KLF8: variants seen among roughly 807,000 people sequenced by gnomAD.
KLF8 encodes the protein Krueppel-like factor 8.
Under a neutral mutation model 18.2 loss-of-function variants are expected in KLF8, and 10 were observed. That is an observed-to-expected ratio of 0.55 (90% CI 0.34 to 0.93). The LOEUF (loss-of-function observed/expected upper bound fraction) is 0.93. KLF8 is among the 40% of genes least tolerant of loss of function. The pLI is 0.02. For synonymous variants in KLF8, 109 were observed against 97.3 expected, an observed-to-expected ratio of 1.12 and a Z score of -0.71; for missense variants, 264 against 277.9, an observed-to-expected ratio of 0.95 and a Z score of 0.36.
At chrX:56,195,710 C>A in the KLF8 span, among the ~76,000 whole-genome samples, 1 of 111,648 alleles carries the variant, frequency 9.0e-6, no homozygotes, top group African/African-American at 3.3e-5. Flanking sequence ...GGCCAACATT[C>A]AAATTCAGGA....
chrX:55,925,114 G>T, the KLF8 span, among the ~76,000 whole-genome samples: 3 of 101,983 alleles, frequency 2.9e-5, no homozygotes, highest in Non-Finnish European at 3.9e-5. Context: ...GCCTGCTTCA[G>T]CCTCCCAAAG....
chrX:56,156,661 G>C, the KLF8 span, among the ~76,000 whole-genome samples: 28 of 108,321 alleles, frequency 2.6e-4, no homozygotes, highest in African/African-American at 9.4e-4. Context: ...CCATGTTGGT[G>C]TGCTGCACCC....
the KLF8 span, among the ~76,000 whole-genome samples, chrX:56,179,853 G>C: frequency 1.8e-5 from 2 of 111,831 alleles, no homozygotes; most frequent in African/African-American, 6.5e-5. Flanking sequence ...ACTTGACATG[G>C]TGGATAAGCT....
At chrX:56,128,130 G>C in the KLF8 span, among the ~76,000 whole-genome samples, 6 of 111,815 alleles carry the variant, frequency 5.4e-5, no homozygotes, top group South Asian at 2.2e-3. Context: ...CAGATGAAGG[G>C]AAGAGCAAGT....
At chrX:56,281,661 A>G (rs1167157839) in intron 5 of KLF8, among the ~76,000 whole-genome samples, 1 of 112,065 alleles carries the variant, frequency 8.9e-6, no homozygotes, top group Non-Finnish European at 1.9e-5. Flanking sequence ...CATGTGCCTC[A>G]GCCTCCCAAA....
At chrX:56,006,036 C>A in the KLF8 span, among the ~76,000 whole-genome samples, 6 of 112,627 alleles carry the variant, frequency 5.3e-5, no homozygotes, top group Non-Finnish European at 1.1e-4. Context: ...CCCCATCTTA[C>A]ACACAAGGCT....
chrX:55,942,167 C>T, the KLF8 span, among the ~76,000 whole-genome samples: 14 of 111,472 alleles, frequency 1.3e-4, no homozygotes, highest in Non-Finnish European at 2.3e-4. Flanking sequence ...CACATATACA[C>T]CATGGAATAC....
At chrX:56,176,797 C>G in the KLF8 span, among the ~76,000 whole-genome samples, 1 of 111,536 alleles carries the variant, frequency 9.0e-6, no homozygotes, top group African/African-American at 3.3e-5. Context: ...AGGCTTTGTT[C>G]ATTTCTTTTT....
chrX:56,063,619 G>C, the KLF8 span, among the ~76,000 whole-genome samples: 1 of 111,814 alleles, frequency 8.9e-6, no homozygotes, highest in Non-Finnish European at 1.9e-5. Context: ...GTCCCAGTCA[G>C]GAGACATGGG....
At chrX:55,937,951 C>T in the KLF8 span, among the ~76,000 whole-genome samples, 1 of 112,157 alleles carries the variant, frequency 8.9e-6, no homozygotes, top group Admixed American at 9.5e-5. Flanking sequence ...AAACACTGTG[C>T]AGGCTATTAT....
At chrX:56,108,840 C>G in the KLF8 span, among the ~76,000 whole-genome samples, 1 of 111,820 alleles carries the variant, frequency 8.9e-6, no homozygotes, top group African/African-American at 3.2e-5. Context: ...AAAATTCCCA[C>G]TGAGCATTGT....
chrX:56,189,518 G>A, the KLF8 span, among the ~76,000 whole-genome samples: 6 of 110,829 alleles, frequency 5.4e-5, no homozygotes, highest in South Asian at 3.8e-4. Context: ...TGCCATTACT[G>A]GGTATATACC....
At chrX:56,071,859 TATCA>T in the KLF8 span, among the ~76,000 whole-genome samples, 1 of 111,849 alleles carries the variant, frequency 8.9e-6, no homozygotes, top group Non-Finnish European at 1.9e-5. Context: ...AAGCTGGAGA[TATCA>T]TTTGAGTAGT....
chrX:56,061,613 TGTG>T, the KLF8 span, among the ~76,000 whole-genome samples: 2 of 111,739 alleles, frequency 1.8e-5, no homozygotes, highest in East Asian at 2.8e-4. Flanking sequence ...ATAAGTGCAA[TGTG>T]GTGCTGAGAA....
the KLF8 span, among the ~76,000 whole-genome samples, chrX:56,198,292 C>G: frequency 8.9e-6 from 1 of 111,946 alleles, no homozygotes; most frequent in Non-Finnish European, 1.9e-5. Context: ...AAGAGGAAGT[C>G]AAATTGTCCC....
chrX:56,276,646 T>A (rs1228811854), intron 5 of KLF8, among the ~76,000 whole-genome samples: 30 of 111,870 alleles, frequency 2.7e-4, no homozygotes, highest in Non-Finnish European at 1.1e-4. Context: ...GTATGTTATT[T>A]CTTTCTTTTC....
chrX:56,173,351 T>C, the KLF8 span, among the ~76,000 whole-genome samples: 2 of 112,180 alleles, frequency 1.8e-5, no homozygotes, highest in African/African-American at 3.2e-5. Flanking sequence ...TTTTGTTAAA[T>C]AGGGAATTGT....
the KLF8 span, among the ~76,000 whole-genome samples, chrX:56,025,524 A>C: frequency 8.9e-6 from 1 of 112,100 alleles, no homozygotes; most frequent in Non-Finnish European, 1.9e-5. Context: ...AATATGATTC[A>C]TGGCAGATAT....
chrX:56,005,358 G>A, the KLF8 span, among the ~76,000 whole-genome samples: 1 of 112,113 alleles, frequency 8.9e-6, no homozygotes, highest in Non-Finnish European at 1.9e-5. Flanking sequence ...AGGAGCAGTG[G>A]CTGTGCAGCA....
Sources: gnomAD v4.1 joint callset for allele counts (sites outside exome capture counted in the v4.1 genomes callset) on GRCh38, gnomAD v4.1.1 for gene constraint, MANE v1.5 for transcripts, NCBI Gene and HGNC (gene_info 2026-07-23, HGNC 2026-07-21) for gene names.